Variants in TNR observed in about 807,000 individuals in gnomAD.
The protein encoded by TNR is tenascin-R.
In TNR, 45 loss-of-function variants were observed where a neutral mutation model predicts 150.4. The ratio of observed to expected loss-of-function variants is 0.30; its 90% CI spans 0.24 to 0.38. TNR has a LOEUF of 0.38. Ranked by LOEUF, TNR falls within the 10% of genes least tolerant of loss-of-function variation. TNR has a pLI of 1.00. For synonymous variants in TNR, 687 were observed against 678.4 expected (o/e 1.01, Z -0.20); for missense variants, 1,544 against 1,759.1 (o/e 0.88, Z 2.19).
intron 7 of TNR, among the ~76,000 whole-genome samples, chr1:175,388,017 T>C (rs561129444): frequency 1.3e-5 from 2 of 152,358 alleles, no homozygotes; most frequent in Admixed American, 6.5e-5. Flanking sequence ...TAATGTGATT[T>C]AACAGAATAT....
chr1:175,426,845 TAA>T (rs1654997328), intron 2 of TNR, among the ~76,000 whole-genome samples: 3 of 82,046 alleles, frequency 3.7e-5, no homozygotes, highest in Admixed American at 1.3e-4. Flanking sequence ...ATTATATATA[TAA>T]AATATAAATA....
intron 19 of TNR, among the ~76,000 whole-genome samples, chr1:175,336,315 A>C (rs1194646917): frequency 6.6e-6 from 1 of 152,230 alleles, no homozygotes; most frequent in Non-Finnish European, 1.5e-5. Flanking sequence ...CCAATATATC[A>C]GCCTTGGCTT....
chr1:175,437,359 C>G (rs907849007), intron 2 of TNR, among the ~76,000 whole-genome samples: 15 of 152,324 alleles, frequency 9.8e-5, no homozygotes, highest in African/African-American at 3.4e-4. Context: ...ACCAGAATCT[C>G]TGGGACACAT....
At chr1:175,406,910 G>A in intron 2 of TNR, 133 bp from the exon 3 acceptor site, 1 of 651,768 alleles carries the variant, frequency 1.5e-6, no homozygotes, top group Non-Finnish European at 2.6e-6. Flanking sequence ...AGGGACAGTG[G>A]CTGCCAATGT....
intron 1 of TNR, among the ~76,000 whole-genome samples, chr1:175,631,652 T>G (rs1036677673): frequency 6.6e-6 from 1 of 152,182 alleles, no homozygotes; most frequent in African/African-American, 2.4e-5. Flanking sequence ...ATGATTCCAT[T>G]TGCCAAATCA....
In TNR at chr1:175,695,696, A is replaced by T. The variant is rs142956203; in HGVS notation, c.-165+47530T>A. Among the ~76,000 whole-genome samples, 1,238 of 152,238 alleles carry T rather than the reference A, an allele frequency of 8.1e-3. 11 individuals carry two copies. Among genetic ancestry groups the T allele is most frequent in the South Asian group, 0.028 (134 of 4,818 alleles). ...CTACTCATTGTCTTGATCTCTTTGA[A>T]GCATTAATTTTTCAGAGAAATCTTT... is the stretch of plus-strand genomic sequence containing the variant. On this transcript the variant is annotated intron_variant, in intron 1 of 22. Coordinates refer to ENST00000367674, the MANE Select transcript of TNR (RefSeq NM_003285.3).
At chr1:175,511,280 C>A (rs562139934) in intron 2 of TNR, among the ~76,000 whole-genome samples, 2 of 152,314 alleles carry the variant, frequency 1.3e-5, no homozygotes, top group South Asian at 4.1e-4. Context: ...ATTTGCTTCA[C>A]TTTAAATTCA....
intron 1 of TNR, among the ~76,000 whole-genome samples, chr1:175,559,098 T>C (rs1043981292): frequency 5.9e-5 from 9 of 152,154 alleles, no homozygotes; most frequent in Admixed American, 5.2e-4. Context: ...TAAAAATCTA[T>C]TTTTTAAAAA....
Position 175,376,879 on chromosome 1 carries a change from T to TATATATATATAC in TNR, c.1963+2672_1963+2673insGTATATATATAT, listed in dbSNP as rs36055169. On this transcript the variant is annotated intron_variant, in intron 9 of 22. Transcript: ENST00000367674. ...GTAATATTATATATATATATATATA[T>TATATATATATAC]ACACATATATTTGAAATGTTTTAAA... 3.4e-3 allele frequency among the ~76,000 whole-genome samples: 493 copies of TATATATATATAC among 146,524 alleles called. 2 individuals carry two copies. The highest frequency in any genetic ancestry group is 7.8e-3 in the African/African-American group (314 of 40,372).
chr1:175,674,626 C>T (rs1242684944), intron 1 of TNR, among the ~76,000 whole-genome samples: 1 of 152,136 alleles, frequency 6.6e-6, no homozygotes, highest in East Asian at 1.9e-4. Flanking sequence ...CTTTGCTAAA[C>T]TGAGACAGTC....
intron 1 of TNR, among the ~76,000 whole-genome samples, chr1:175,699,193 G>C (rs1400934732): frequency 6.6e-6 from 1 of 152,154 alleles, no homozygotes; most frequent in Non-Finnish European, 1.5e-5. Context: ...CTGACTTCAA[G>C]GTTTTGGCCT....
At chr1:175,344,041 G>T (rs755831792) in intron 18 of TNR, among the ~76,000 whole-genome samples, 1 of 152,162 alleles carries the variant, frequency 6.6e-6, no homozygotes, top group Non-Finnish European at 1.5e-5. Flanking sequence ...AAGCAAGAAA[G>T]CACTCCACAA....
chr1:175,527,078 T>C (rs1016539182), intron 2 of TNR, among the ~76,000 whole-genome samples: 1 of 152,204 alleles, frequency 6.6e-6, no homozygotes, highest in Admixed American at 6.5e-5. Flanking sequence ...ATGTCTTCAT[T>C]GTAATACACT....
At chr1:175,490,213 A>G (rs1160395864) in intron 2 of TNR, among the ~76,000 whole-genome samples, 1 of 152,226 alleles carries the variant, frequency 6.6e-6, no homozygotes, top group Non-Finnish European at 1.5e-5. Flanking sequence ...CACCATATAA[A>G]AAATTAACTC....
At chr1:175,408,244 A>G (rs1654048447) in intron 2 of TNR, among the ~76,000 whole-genome samples, 1 of 152,228 alleles carries the variant, frequency 6.6e-6, no homozygotes, top group Admixed American at 6.5e-5. Context: ...TGCTCAGTGC[A>G]TAGTTGTTGA....
intron 1 of TNR, among the ~76,000 whole-genome samples, chr1:175,625,095 G>A (rs1664105817): frequency 6.6e-6 from 1 of 152,224 alleles, no homozygotes; most frequent in Non-Finnish European, 1.5e-5. Flanking sequence ...CTCTAGGGAA[G>A]AAGGGACCTC....
chr1:175,426,053 T>TAAA (rs1361090353), intron 2 of TNR, among the ~76,000 whole-genome samples: 2 of 152,180 alleles, frequency 1.3e-5, no homozygotes, highest in Non-Finnish European at 2.9e-5. Flanking sequence ...ACTGGACCTT[T>TAAA]GGCTGCTAGA....
intron 1 of TNR, among the ~76,000 whole-genome samples, chr1:175,717,285 G>A (rs1171306956): frequency 6.6e-6 from 1 of 152,156 alleles, no homozygotes; most frequent in East Asian, 1.9e-4. Flanking sequence ...AGTTCTAGTA[G>A]AGTAGGGAGG....
chr1:175,439,300 G>T (rs1490671759), intron 2 of TNR, among the ~76,000 whole-genome samples: 1 of 152,114 alleles, frequency 6.6e-6, no homozygotes, highest in Non-Finnish European at 1.5e-5. Context: ...AACAAATGGT[G>T]CTGGGAAAAC....
Sources: gnomAD v4.1 joint callset for allele counts (sites outside exome capture counted in the v4.1 genomes callset) on GRCh38, gnomAD v4.1.1 for gene constraint, MANE v1.5 for transcripts, NCBI Gene and HGNC (gene_info 2026-07-23, HGNC 2026-07-21) for gene names.